The following PRTFDC1 variants were observed in gnomAD, a reference collection of about 807,000 sequenced individuals.
PRTFDC1 encodes phosphoribosyltransferase domain-containing protein 1.
Under a neutral mutation model 34.6 loss-of-function variants are expected in PRTFDC1, and 38 were observed. That is an observed-to-expected ratio of 1.10 (90% CI 0.85 to 1.44). The LOEUF is 1.44. Ranked by LOEUF, PRTFDC1 falls within the 40% of genes most tolerant of loss-of-function variation. The pLI, the probability that PRTFDC1 is intolerant of heterozygous loss-of-function variation, is 0.00. For synonymous variants in PRTFDC1, 93 were observed against 98.1 expected, an observed-to-expected ratio of 0.95 and a Z score of 0.31; for missense variants, 270 against 283.0, an observed-to-expected ratio of 0.95 and a Z score of 0.33.
chr10:24,891,040 A>G (rs1347630146), intron 3 of PRTFDC1, among the ~76,000 whole-genome samples: 1 of 152,240 alleles, frequency 6.6e-6, no homozygotes, highest in Non-Finnish European at 1.5e-5. Flanking sequence ...ATTCTCAGGA[A>G]GGTGGGAAGA....
intron 2 of PRTFDC1, among the ~76,000 whole-genome samples, chr10:24,938,799 T>C (rs1849096232): frequency 6.6e-6 from 1 of 152,198 alleles, no homozygotes; most frequent in African/African-American, 2.4e-5. Flanking sequence ...GCTGTGTACA[T>C]GTGCAGAGAA....
chr10:24,902,455 G>A (rs1485981878), intron 3 of PRTFDC1, among the ~76,000 whole-genome samples: 1 of 152,166 alleles, frequency 6.6e-6, no homozygotes, highest in African/African-American at 2.4e-5. Flanking sequence ...TAGGAAATGT[G>A]TAGTTCAGGC....
At position 24,904,261 on chromosome 10, in the gene PRTFDC1, TACACAC is replaced by T. The variant is rs10585982; in HGVS notation, c.340-32204_340-32199del. Among the ~76,000 whole-genome samples the T allele has an allele frequency of 4.2e-3, 621 of 148,104 alleles. 3 individuals are homozygous for T. The highest frequency in any genetic ancestry group is 0.012 in the African/African-American group (479 of 40,164). On this transcript the variant is annotated intron_variant, in intron 3 of 8. Coordinates refer to ENST00000320152, the MANE Select transcript of PRTFDC1 (RefSeq NM_020200.7). Reference sequence around the variant, plus strand: ...AGATTCTCTTTCATCTAAAATGTAATACACACACACACACACACACACACACACACA... The same window carrying T: ...AGATTCTCTTTCATCTAAAATGTAATACACACACACACACACACACACACA...
At chr10:24,922,753 AT>A (rs1848811157) in intron 3 of PRTFDC1, among the ~76,000 whole-genome samples, 1 of 152,196 alleles carries the variant, frequency 6.6e-6, no homozygotes, top group African/African-American at 2.4e-5. Context: ...TGATTTCTGC[AT>A]TTCCAACTGA....
intron 2 of PRTFDC1, among the ~76,000 whole-genome samples, 198 bp downstream of exon 2, chr10:24,942,132 G>A (rs926165526): frequency 2.0e-5 from 3 of 152,162 alleles, no homozygotes; most frequent in East Asian, 1.9e-4. Context: ...TTACCATACC[G>A]CCTGAACAAA....
chr10:24,909,535 A>G (rs1848594969), intron 3 of PRTFDC1, among the ~76,000 whole-genome samples: 1 of 152,206 alleles, frequency 6.6e-6, no homozygotes, highest in Non-Finnish European at 1.5e-5. Context: ...TGCAGAGAGT[A>G]TCAGCAAATG....
At chr10:24,936,419 T>C (rs1276015360) in intron 3 of PRTFDC1, among the ~76,000 whole-genome samples, 1 of 151,924 alleles carries the variant, frequency 6.6e-6, no homozygotes, top group African/African-American at 2.4e-5. Context: ...CCTGGGACCA[T>C]AGGCACATGC....
intron 3 of PRTFDC1, among the ~76,000 whole-genome samples, chr10:24,891,223 T>C (rs578251513): frequency 6.6e-6 from 1 of 152,272 alleles, no homozygotes; most frequent in South Asian, 2.1e-4. Flanking sequence ...TAAATTTAAT[T>C]TGCTGTAAAA....
intron 3 of PRTFDC1, among the ~76,000 whole-genome samples, chr10:24,885,674 G>T (rs1298536173): frequency 6.6e-5 from 10 of 152,176 alleles, no homozygotes; most frequent in Non-Finnish European, 2.9e-5. Context: ...CCAAGTGCTG[G>T]GATTACAGGC....
chr10:24,935,464 A>G (rs1280842707), intron 3 of PRTFDC1, among the ~76,000 whole-genome samples: 3 of 152,204 alleles, frequency 2.0e-5, no homozygotes, highest in Non-Finnish European at 2.9e-5. Flanking sequence ...AACACAGAGT[A>G]TCTTAAGAAA....
chr10:24,852,951 T>C (rs1289962393), intron 7 of PRTFDC1, among the ~76,000 whole-genome samples: 1 of 151,808 alleles, frequency 6.6e-6, no homozygotes, highest in Non-Finnish European at 1.5e-5. Flanking sequence ...GGAAAATAAG[T>C]ACTAGAGGTG....
intron 8 of PRTFDC1, 52 bp downstream of exon 8, chr10:24,851,336 A>G (rs1847484881): frequency 6.3e-7 from 1 of 1,578,524 alleles, no homozygotes; most frequent in Non-Finnish European, 8.5e-7. Flanking sequence ...ACTTTTTTAA[A>G]TTGTTAAGTT....
Position 24,892,215 on chromosome 10 carries a change from G to A in PRTFDC1, c.340-20152C>T, listed in dbSNP as rs143145658. On this transcript the variant is annotated intron_variant, in intron 3 of 8. Transcript: ENST00000320152. ...TTGCCCAGGCTGATCTTGAACTCCTGGGCTCAAGCAATCCACCCACTTTGG... is the reference window on the plus strand; with the variant it reads ...TTGCCCAGGCTGATCTTGAACTCCTAGGCTCAAGCAATCCACCCACTTTGG... Among the ~76,000 whole-genome samples the A allele has an allele frequency of 3.6e-3, 546 of 152,086 alleles. 3 individuals carry two copies. The highest frequency in any genetic ancestry group is 0.029 in the East Asian group (147 of 5,156).
At chr10:24,938,158 A>G (rs1849085385) in intron 2 of PRTFDC1, among the ~76,000 whole-genome samples, 1 of 151,830 alleles carries the variant, frequency 6.6e-6, no homozygotes, top group Non-Finnish European at 1.5e-5. Context: ...CCAAGGAGGC[A>G]GAGGTTGCAA....
At chr10:24,888,287 A>G (rs1848203346) in intron 3 of PRTFDC1, among the ~76,000 whole-genome samples, 1 of 152,162 alleles carries the variant, frequency 6.6e-6, no homozygotes, top group African/African-American at 2.4e-5. Flanking sequence ...TGTAGGACTC[A>G]AAGAGTGGCT....
At chr10:24,880,818 T>TCTTTCTTC (rs1848057758) in intron 3 of PRTFDC1, among the ~76,000 whole-genome samples, 3 of 56,348 alleles carry the variant, frequency 5.3e-5, no homozygotes, top group African/African-American at 2.5e-4. Flanking sequence ...TCTTTCTCTT[T>TCTTTCTTC]CTTTCTTTCT....
rs914340207 is a variant in PRTFDC1 at position 24,952,033 on chromosome 10, G to T, written c.48+495C>A. Among the ~76,000 whole-genome samples, 7 of 152,214 alleles carry T rather than the reference G, an allele frequency of 4.6e-5. No homozygotes were observed. The highest frequency in any genetic ancestry group is 1.7e-4 in the African/African-American group (7 of 41,466). On this transcript the variant is annotated intron_variant, in intron 1 of 8. Transcript: ENST00000320152. The surrounding 1 kb of genome is among the most constrained non-coding windows in gnomAD (Gnocchi z 5.1). ...AGAGCCCCCAACCTGGGTACCAAAG[G>T]CTTCAAATCTCAAGCTCTGTCCACT...
intron 3 of PRTFDC1, among the ~76,000 whole-genome samples, chr10:24,899,875 T>C (rs1252117110): frequency 6.6e-6 from 1 of 152,190 alleles, no homozygotes; most frequent in African/African-American, 2.4e-5. Flanking sequence ...GCTGCTTTTG[T>C]GGATTTCTTT....
Position 24,849,394 on chromosome 10 carries a change from G to A in PRTFDC1, c.*450C>T, listed in dbSNP as rs16925078. ...GGAATCTATTAATAGCTGCATTCCC[G>A]GTATAGGGGACTCAAGTCTTCAGTT... is the stretch of plus-strand genomic sequence containing the variant. On this transcript the variant is annotated 3_prime_UTR_variant, in exon 9 of 9. Transcript: ENST00000320152. The A allele has an allele frequency of 0.03, 4,558 of 153,160 alleles. 221 individuals are homozygous for A. The highest frequency in any genetic ancestry group is 0.1 in the African/African-American group (4,311 of 41,516). 9.5% of individuals were successfully genotyped at this position (153,160 alleles called of 1,614,324 possible).
Sources: allele counts gnomAD v4.1 joint callset (sites outside exome capture counted in the v4.1 genomes callset), GRCh38; gene constraint gnomAD v4.1.1; non-coding constraint Gnocchi (gnomAD v3.1); transcripts MANE v1.5; gene names NCBI Gene and HGNC (gene_info 2026-07-23, HGNC 2026-07-21).